CARMIL3: variants seen among roughly 807,000 people sequenced by gnomAD.
CARMIL3 encodes capping protein, Arp2/3 and myosin-I linker protein 3.
In CARMIL3, 88 loss-of-function variants were observed where a neutral mutation model predicts 180.8. The observed-to-expected ratio is 0.49, with a 90% CI of 0.41 to 0.58. The LOEUF (loss-of-function observed/expected upper bound fraction) is 0.58, where lower values mean the gene tolerates loss of function less well. Ranked by LOEUF, CARMIL3 falls within the 20% of genes least tolerant of loss-of-function variation. The probability of loss-of-function intolerance (pLI) is 0.00; values close to 1 mark genes in which losing one functional copy is unlikely to be tolerated. For synonymous variants in CARMIL3, 696 were observed against 714.5 expected (o/e 0.97, Z 0.41); for missense variants, 1,548 against 1,787.0 (o/e 0.87, Z 2.41).
chr14:24,061,784 CAAGGAT>C lies in CARMIL3; in HGVS notation c.2480+113_2480+118del. The C allele has an allele frequency of 8.3e-7, 1 of 1,201,382 alleles. No homozygotes were observed. Among genetic ancestry groups the C allele is most frequent in the Non-Finnish European group, 1.2e-6 (1 of 865,198 alleles). The allele number at this position is 1,201,382 out of a possible 1,614,324, so 74.4% of individuals were successfully genotyped here. ...ATAATGAATGGCACAATCTCCATTA[CAAGGAT>C]CAATCTTTAACCAAGTGCAACCTTG... On this transcript the variant is annotated intron_variant, in intron 27 of 39. Coordinates refer to ENST00000342740, the MANE Select transcript of CARMIL3 (RefSeq NM_138360.4). The surrounding 1 kb of genome is among the most constrained non-coding windows in gnomAD (Gnocchi z 4.1).
rs779711129 is a variant in CARMIL3 at position 24,054,205 on chromosome 14, G to A, written c.187-37G>A. ...CTACCTCCCAAGCCTGGCAACCCAG[G>A]TCCTTACCAGGAGCTGAGCATCTCC... On this transcript the variant is annotated intron_variant, in intron 3 of 39. Transcript: ENST00000342740. The surrounding 1 kb of genome is among the most constrained non-coding windows in gnomAD (Gnocchi z 5.1). The A allele has an allele frequency of 6.8e-6, 11 of 1,613,986 alleles. No individual in the cohort carries two copies. The highest frequency in any genetic ancestry group is 1.3e-5 in the African/African-American group (1 of 75,058).
chr14:24,054,119 T>G lies in CARMIL3; in HGVS notation c.167T>G (p.Leu56Arg). The change falls in exon 3 of 40, where the codon CTC (leucine) becomes CGC (arginine). Residue 56 changes from leucine (L) to arginine (R), a missense_variant. Physicochemically the swap from Leu to Arg is moderately radical, Grantham distance 102 (BLOSUM62 -2). This residue lies in a region of CARMIL3 where 578 missense variants were observed against 666.5 expected (regional missense o/e 0.87). Transcript: ENST00000342740. This position sits in a 1 kb window ranked among gnomAD's most constrained non-coding sequence, Gnocchi z 5.1. ...ALTSWRLHLF[L>R]LKVPAKVESS... Reference sequence around the variant, plus strand: ...ACCTCCTGGCGCCTCCACCTCTTCCTCCTTAAAGTCCCGGCCAAGGTGAGT... The same window carrying G: ...ACCTCCTGGCGCCTCCACCTCTTCCGCCTTAAAGTCCCGGCCAAGGTGAGT... The G allele has an allele frequency of 6.2e-7, 1 of 1,614,122 alleles. No individual in the cohort carries two copies. Among genetic ancestry groups the G allele is most frequent in the Non-Finnish European group, 8.5e-7 (1 of 1,180,018 alleles).
At position 24,059,748 on chromosome 14, in the gene CARMIL3, T is replaced by C; in HGVS notation, c.1868+16T>C. On this transcript the variant is annotated intron_variant, in intron 22 of 39. Transcript: ENST00000342740. The surrounding 1 kb of genome is among the most constrained non-coding windows in gnomAD (Gnocchi z 6.3). ...CCCTGGAGAGGTGAGTAGACCATGGTCCTGCCCTGATCCAAGTCCCCAGCC... is the reference window on the plus strand; with the variant it reads ...CCCTGGAGAGGTGAGTAGACCATGGCCCTGCCCTGATCCAAGTCCCCAGCC... The C allele has an allele frequency of 3.1e-6, 5 of 1,613,420 alleles. No homozygotes were observed. Among genetic ancestry groups the C allele is most frequent in the Non-Finnish European group, 4.2e-6 (5 of 1,179,574 alleles).
intron 1 of CARMIL3, among the ~76,000 whole-genome samples, chr14:24,053,499 C>A (rs2035639446): frequency 6.6e-6 from 1 of 152,248 alleles, no homozygotes; most frequent in East Asian, 1.9e-4. Flanking sequence ...ACACCCTACT[C>A]CCTCTCTAAT....
intron 32 of CARMIL3, among the ~76,000 whole-genome samples, 160 bp downstream of exon 32, chr14:24,064,506 C>T (rs113930824): frequency 3.9e-5 from 6 of 152,362 alleles, no homozygotes; most frequent in Admixed American, 2.6e-4. Flanking sequence ...ACCCAGCCCT[C>T]AGGGCCCATG....
chr14:24,065,212 A>G lies in CARMIL3; in HGVS notation c.3335A>G (p.Glu1112Gly). Reference sequence around the variant, plus strand: ...TCCTCTCCCTGCTGGAGCCCAGAGGAGGAGAGCAGCCTCCTCCCTGGATTT... The same window carrying G: ...TCCTCTCCCTGCTGGAGCCCAGAGGGGGAGAGCAGCCTCCTCCCTGGATTT... ...NNSSPCWSPE[E>G]ESSLLPGFGG... The change falls in exon 33 of 40, where the codon GAG becomes GGG. Residue 1112 changes from glutamate to glycine, a missense_variant. Glu to Gly is a moderately conservative substitution (Grantham distance 98). Coordinates refer to ENST00000342740, the MANE Select transcript of CARMIL3 (RefSeq NM_138360.4). 1 of 1,544,170 alleles carries G rather than the reference A, an allele frequency of 6.5e-7. No homozygotes were observed. The highest frequency in any genetic ancestry group is 8.7e-7 in the Non-Finnish European group (1 of 1,151,480).
Position 24,069,661 on chromosome 14 carries a change from G to A in CARMIL3, c.*257G>A, listed in dbSNP as rs2035844785. On this transcript the variant is annotated 3_prime_UTR_variant, in exon 40 of 40. Coordinates refer to ENST00000342740, the MANE Select transcript of CARMIL3 (RefSeq NM_138360.4). ...GGGGCTTATCTCCTCCCCCAGGAGG[G>A]TGGATCTCTGTCCCTCTATCCCCAG... 1.8e-6 allele frequency: 1 copy of A among 564,950 alleles called. No individual in the cohort carries two copies. The highest frequency in any genetic ancestry group is 2.9e-5 in the East Asian group (1 of 34,396). 35.0% of individuals were successfully genotyped at this position (564,950 alleles called of 1,614,324 possible).
At position 24,068,786 on chromosome 14, in the gene CARMIL3, C is replaced by G. The variant is rs757638080; in HGVS notation, c.3802C>G (p.Leu1268Val). Residue 1268 changes from leucine to valine, a missense_variant and splice_region_variant, in exon 38 of 40, where the codon CTA (leucine) becomes GTA (valine). Around this residue, in one of 4 missense-constraint regions of CARMIL3, gnomAD observed 668 missense variants for 687.8 expected, o/e 0.97. Coordinates refer to ENST00000342740, the MANE Select transcript of CARMIL3 (RefSeq NM_138360.4). ...ERTLPARNAK[L>V]QDPALAPWPP... The stretch of plus-strand genomic sequence containing the variant: ...CCCAGCATCTTCCTTCCTCTGCCAG[C>G]TACAGGACCCCGCTCTAGCTCCATG... 8 of 1,613,948 alleles carry G rather than the reference C, an allele frequency of 5.0e-6. No homozygotes were observed. Among genetic ancestry groups the G allele is most frequent in the Admixed American group, 1.7e-5 (1 of 59,994 alleles).
intron 24 of CARMIL3, among the ~76,000 whole-genome samples, 174 bp from the exon 25 acceptor site, chr14:24,060,454 G>A (rs2035721340): frequency 6.6e-6 from 1 of 152,216 alleles, no homozygotes; most frequent in South Asian, 2.1e-4. Context: ...GAGTGCACAG[G>A]ACTCTGGGAG....
intron 27 of CARMIL3, 184 bp from the exon 28 acceptor site, chr14:24,062,296 G>T: frequency 1.5e-6 from 1 of 646,684 alleles, no homozygotes. Flanking sequence ...GGGACTAGAC[G>T]TGTATTTGTG....
intron 10 of CARMIL3, 42 bp from the exon 11 acceptor site, chr14:24,056,257 G>A: frequency 1.3e-6 from 2 of 1,535,602 alleles, no homozygotes; most frequent in Non-Finnish European, 1.8e-6. Context: ...GCTGGGACCT[G>A]GGGCTCAGCT....
Position 24,062,864 on chromosome 14 carries a change from T to G in CARMIL3, c.2706+18T>G, listed in dbSNP as rs775463973. The G allele has an allele frequency of 2.5e-6, 4 of 1,591,344 alleles. No homozygotes were observed. ...CCAACATTGTGAGCCCCCCGCTCCCTGCTCCTCCTTAATAACCTGGGCCCT... is the reference window on the plus strand; with the variant it reads ...CCAACATTGTGAGCCCCCCGCTCCCGGCTCCTCCTTAATAACCTGGGCCCT... On this transcript the variant is annotated intron_variant, in intron 29 of 39. Transcript: ENST00000342740.
rs764502960 is a variant in CARMIL3 at position 24,059,989 on chromosome 14, A to C, written c.1888A>C (p.Met630Leu). Residue 630 changes from methionine (M) to leucine (L), a missense_variant, in exon 23 of 40, where the codon ATG becomes CTG. Physicochemically the swap from Met to Leu is conservative, Grantham distance 15 (BLOSUM62 2). Coordinates refer to ENST00000342740, the MANE Select transcript of CARMIL3 (RefSeq NM_138360.4). This position sits in a 1 kb window ranked among gnomAD's most constrained non-coding sequence, Gnocchi z 6.3. ...CCACAGCAACCACACGCTGCGCTTC[A>C]TGTCCTTCCCCGTGAGCGACATCTC... ...ALESNHTLRF[M>L]SFPVSDISQA... is the part of the protein sequence containing the mutation. 6.2e-7 allele frequency: 1 copy of C among 1,614,024 alleles called. No individual in the cohort carries two copies. Among genetic ancestry groups the C allele is most frequent in the Admixed American group, 1.7e-5 (1 of 60,024 alleles).
chr14:24,054,939 C>T lies in CARMIL3; in HGVS notation c.461-127C>T. The stretch of plus-strand genomic sequence containing the variant: ...TGAAGGACTCCCAGCTCCCAGACCT[C>T]AGGAAGTTCATGGCATAGCAAGAAC... On this transcript the variant is annotated intron_variant, in intron 6 of 39. Transcript: ENST00000342740. This position sits in a 1 kb window ranked among gnomAD's most constrained non-coding sequence, Gnocchi z 5.1. 7.2e-7 allele frequency: 1 copy of T among 1,386,350 alleles called. No homozygotes were observed. The highest frequency in any genetic ancestry group is 1.0e-6 in the Non-Finnish European group (1 of 990,964). The allele number at this position is 1,386,350 out of a possible 1,614,324, so 85.9% of individuals were successfully genotyped here. A position where few individuals can be genotyped will look rare whatever the true frequency, so the allele number is the denominator to read the frequency against.
rs780136060 is a variant in CARMIL3, at chr14:24,062,559, A to G, written c.2560A>G (p.Lys854Glu). The G allele has an allele frequency of 6.2e-7, 1 of 1,614,154 alleles. No homozygotes were observed. The highest frequency in any genetic ancestry group is 8.5e-7 in the Non-Finnish European group (1 of 1,180,008). Residue 854 changes from lysine to glutamate, a missense_variant, in exon 28 of 40, where the codon AAG (lysine) becomes GAG (glutamate). Physicochemically the swap from Lys to Glu is moderately conservative, Grantham distance 56. Transcript: ENST00000342740. ...EILQELYHSH[K>E]SLARHLTQLR... ...CCTGCAAGAGCTCTACCATTCCCAC[A>G]AGAGCCTGGTAAGGCTTCTTCTGCA...
intron 31 of CARMIL3, 76 bp from the exon 32 acceptor site, chr14:24,064,170 G>A: frequency 2.1e-6 from 2 of 939,008 alleles, no homozygotes; most frequent in South Asian, 1.4e-5. Context: ...AAGCCCAAAG[G>A]GGAATGCTCT....
At position 24,061,786 on chromosome 14, in the gene CARMIL3, A is replaced by G. The variant is rs1280880195; in HGVS notation, c.2480+114A>G. ...AATGAATGGCACAATCTCCATTACAAGGATCAATCTTTAACCAAGTGCAAC... is the reference window on the plus strand; with the variant it reads ...AATGAATGGCACAATCTCCATTACAGGGATCAATCTTTAACCAAGTGCAAC... On this transcript the variant is annotated intron_variant, in intron 27 of 39. Coordinates refer to ENST00000342740, the MANE Select transcript of CARMIL3 (RefSeq NM_138360.4). This position sits in a 1 kb window ranked among gnomAD's most constrained non-coding sequence, Gnocchi z 4.1. The G allele has an allele frequency of 3.4e-6, 4 of 1,192,848 alleles. No individual in the cohort carries two copies. The highest frequency in any genetic ancestry group is 3.5e-6 in the Non-Finnish European group (3 of 859,128). 73.9% of individuals were successfully genotyped at this position (1,192,848 alleles called of 1,614,324 possible). A position where few individuals can be genotyped will look rare whatever the true frequency, so the allele number is the denominator to read the frequency against.
intron 36 of CARMIL3, among the ~76,000 whole-genome samples, chr14:24,067,187 C>G (rs528571065): frequency 6.6e-6 from 1 of 152,212 alleles, no homozygotes; most frequent in Non-Finnish European, 1.5e-5. Context: ...CAGCCACCCG[C>G]GACCTTAAAC....
Position 24,059,532 on chromosome 14 carries a change from C to T in CARMIL3, c.1799+90C>T. The T allele has an allele frequency of 6.6e-7, 1 of 1,517,764 alleles. No individual in the cohort carries two copies. Among genetic ancestry groups the T allele is most frequent in the Non-Finnish European group, 8.9e-7 (1 of 1,120,516 alleles). The allele number at this position is 1,517,764 out of a possible 1,614,324, so 94.0% of individuals were successfully genotyped here. ...CCTGCTTTCCTTGATGCTCTGGACC[C>T]CAGCTTCCAGAAGACCCCCAGCCCC... On this transcript the variant is annotated intron_variant, in intron 21 of 39. Transcript: ENST00000342740. The surrounding 1 kb of genome is among the most constrained non-coding windows in gnomAD (Gnocchi z 6.3).
Sources: allele counts gnomAD v4.1 joint callset (sites outside exome capture counted in the v4.1 genomes callset), GRCh38; gene constraint gnomAD v4.1.1; regional missense constraint gnomAD v4.1.1; non-coding constraint Gnocchi (gnomAD v3.1); transcripts MANE v1.5; gene names NCBI Gene and HGNC (gene_info 2026-07-23, HGNC 2026-07-21).